Variants in SLC36A1 observed in about 807,000 individuals in gnomAD.
SLC36A1 encodes proton-coupled amino acid transporter 1.
A neutral mutation model predicts 47.5 loss-of-function variants in SLC36A1; 30 were observed. That is an observed-to-expected ratio of 0.63 (90% CI 0.47 to 0.86). SLC36A1 has a LOEUF of 0.86. Among genes scored for constraint, SLC36A1 ranks in the 40% least tolerant of loss-of-function variants. SLC36A1 has a pLI of 0.00. For synonymous variants in SLC36A1, 255 were observed against 249.7 expected (o/e 1.02, Z -0.20); for missense variants, 517 against 606.0 (o/e 0.85, Z 1.54).
At chr5:151,546,213 TG>T in the SLC36A1 span, 1 of 1,614,168 alleles carries the variant, frequency 6.2e-7, no homozygotes, top group Middle Eastern at 1.6e-4. Flanking sequence ...CATGCCATTG[TG>T]GGGAGCCTTG....
rs1759473642 is a variant in SLC36A1, at chr5:151,486,030, T to C, written c.1160-1953T>C. Among the ~76,000 whole-genome samples the C allele has an allele frequency of 1.3e-5, 2 of 152,190 alleles. 1 individual carries two copies. The highest frequency in any genetic ancestry group is 4.1e-4 in the South Asian group (2 of 4,834). The stretch of plus-strand genomic sequence containing the variant: ...CCCTGGTGTGTTAGTCCATTTGCGT[T>C]GTTATAAAGAAGCACCTGAGACTGG... On this transcript the variant is annotated intron_variant, in intron 10 of 10. Coordinates refer to ENST00000243389, the MANE Select transcript of SLC36A1 (RefSeq NM_078483.4).
At chr5:151,496,413 T>C (rs895963729), downstream of SLC36A1, among the ~76,000 whole-genome samples, 4 of 152,254 alleles carry the variant, frequency 2.6e-5, no homozygotes, top group African/African-American at 7.2e-5. Context: ...CTAGTACGTA[T>C]GGTAAGCCCA....
Position 151,450,112 on chromosome 5 carries a change from A to T in SLC36A1, c.-6+2299A>T, listed in dbSNP as rs534027577. On this transcript the variant is annotated intron_variant, in intron 1 of 10. Transcript: ENST00000243389. ...TGTAGAGTGGATGGAGCAGATGTCCACTTATTAGCATGTGGGATGGATGGA... is the reference window on the plus strand; with the variant it reads ...TGTAGAGTGGATGGAGCAGATGTCCTCTTATTAGCATGTGGGATGGATGGA... Among the ~76,000 whole-genome samples the T allele has an allele frequency of 5.9e-5, 9 of 151,896 alleles. 1 individual carries two copies. In the South Asian group the frequency reaches 1.9e-3, roughly 32 times the overall value.
chr5:151,430,272 C>T, the SLC36A1 span, among the ~76,000 whole-genome samples: 2 of 150,650 alleles, frequency 1.3e-5, no homozygotes, highest in African/African-American at 2.5e-5. Context: ...TCAAACAATT[C>T]TCCTGCCTCA....
At chr5:151,467,458 C>T (rs909206956) in intron 6 of SLC36A1, among the ~76,000 whole-genome samples, 175 bp downstream of exon 6, 11 of 152,148 alleles carry the variant, frequency 7.2e-5, no homozygotes, top group African/African-American at 1.2e-4. Context: ...GGAAAGAGCT[C>T]GGGCATAGAG....
chr5:151,390,239 C>T, the SLC36A1 span, among the ~76,000 whole-genome samples: 31 of 152,148 alleles, frequency 2.0e-4, no homozygotes, highest in Admixed American at 3.9e-4. Flanking sequence ...TATCCTTCAC[C>T]CATTTGTTGA....
At chr5:151,366,282 C>T in the SLC36A1 span, among the ~76,000 whole-genome samples, 1 of 152,176 alleles carries the variant, frequency 6.6e-6, no homozygotes, top group Non-Finnish European at 1.5e-5. Flanking sequence ...TGTGGTGGCC[C>T]CATATAAATA....
chr5:151,446,207 C>T (rs963622190), upstream of SLC36A1, among the ~76,000 whole-genome samples: 1 of 151,944 alleles, frequency 6.6e-6, no homozygotes. Flanking sequence ...TTAAATTTCC[C>T]GTTTGATTTC....
the SLC36A1 span, chr5:151,543,004 G>GACCC: frequency 1.2e-6 from 2 of 1,614,166 alleles, no homozygotes; most frequent in Non-Finnish European, 1.7e-6. Context: ...CCCAATTTCA[G>GACCC]ACCCCTCTGG....
At chr5:151,551,486 G>A in the SLC36A1 span, 1 of 1,614,156 alleles carries the variant, frequency 6.2e-7, no homozygotes, top group East Asian at 2.2e-5. Flanking sequence ...AATGGTGCGG[G>A]ACCCATCTGT....
intron 2 of SLC36A1, 70 bp from the exon 3 acceptor site, chr5:151,463,483 T>C: frequency 9.3e-7 from 1 of 1,072,736 alleles, no homozygotes; most frequent in Non-Finnish European, 1.5e-6. Flanking sequence ...AGATAATGCA[T>C]ATAAGCACTG....
At chr5:151,521,300 G>A in the SLC36A1 span, 1 of 1,611,386 alleles carries the variant, frequency 6.2e-7, no homozygotes, top group East Asian at 2.2e-5. Flanking sequence ...CTCCTCTGCA[G>A]GTGGTGCCGC....
the SLC36A1 span, among the ~76,000 whole-genome samples, chr5:151,357,860 G>T: frequency 6.6e-5 from 10 of 152,260 alleles, no homozygotes; most frequent in Admixed American, 3.9e-4. Context: ...TAAATCTTGT[G>T]GCATCTGTTA....
chr5:151,399,329 T>G, the SLC36A1 span, among the ~76,000 whole-genome samples: 2 of 151,826 alleles, frequency 1.3e-5, no homozygotes, highest in Non-Finnish European at 2.9e-5. Context: ...TCAGGTGATC[T>G]GCCCACCTCG....
chr5:151,475,485 C>T (rs765976388), intron 8 of SLC36A1, among the ~76,000 whole-genome samples: 8 of 152,204 alleles, frequency 5.3e-5, no homozygotes, highest in South Asian at 2.1e-4. Context: ...TTCATTGCAT[C>T]GGGGTAAAGT....
At chr5:151,472,627 T>G (rs1184327693) in intron 7 of SLC36A1, among the ~76,000 whole-genome samples, 1 of 152,200 alleles carries the variant, frequency 6.6e-6, no homozygotes, top group Non-Finnish European at 1.5e-5. Flanking sequence ...GTTGTGTGCT[T>G]CTTGGTAATA....
At chr5:151,506,109 C>T in the SLC36A1 span, 18 of 1,502,088 alleles carry the variant, frequency 1.2e-5, 1 homozygote, top group South Asian at 2.3e-4. Context: ...TGAAAGGGAA[C>T]AGCAAGATAG....
the SLC36A1 span, among the ~76,000 whole-genome samples, chr5:151,420,612 A>G: frequency 6.6e-6 from 1 of 152,138 alleles, no homozygotes; most frequent in East Asian, 1.9e-4. Context: ...GAATGTGCTT[A>G]TTTTCCCAAC....
At chr5:151,352,626 A>G in the SLC36A1 span, among the ~76,000 whole-genome samples, 1 of 152,198 alleles carries the variant, frequency 6.6e-6, no homozygotes, top group African/African-American at 2.4e-5. Flanking sequence ...AGAGGCTATG[A>G]AGGAAAATCT....
Sources: gnomAD v4.1 joint callset for allele counts (sites outside exome capture counted in the v4.1 genomes callset) on GRCh38, gnomAD v4.1.1 for gene constraint, MANE v1.5 for transcripts, NCBI Gene and HGNC (gene_info 2026-07-23, HGNC 2026-07-21) for gene names.